GRM7: variants seen among roughly 807,000 people sequenced by gnomAD.
GRM7 encodes the protein glutamate metabotropic receptor 7.
GRM7 carries 35 observed loss-of-function variants against 84.5 expected under a neutral mutation model. That is an observed-to-expected ratio of 0.41 (90% CI 0.32 to 0.55). GRM7 has a LOEUF of 0.55. Ranked by LOEUF, GRM7 falls within the 20% of genes least tolerant of loss-of-function variation. The pLI, the probability that GRM7 is intolerant of heterozygous loss-of-function variation, is 0.19. For missense variants in GRM7, 1,003 were observed against 1,194.6 expected (o/e 0.84, Z 2.36); for synonymous variants, 487 against 455.1 (o/e 1.07, Z -0.89).
intron 4 of GRM7, among the ~76,000 whole-genome samples, chr3:7,393,952 TAC>T (rs1695104896): frequency 6.6e-6 from 1 of 152,176 alleles, no homozygotes; most frequent in African/African-American, 2.4e-5. Flanking sequence ...AATTAAGTGG[TAC>T]AGTTTTCGCA....
At chr3:7,644,133 T>TGTGC (rs1471480045) in intron 8 of GRM7, among the ~76,000 whole-genome samples, 4 of 148,842 alleles carry the variant, frequency 2.7e-5, no homozygotes, top group African/African-American at 9.9e-5. Flanking sequence ...TGTGTGTGTG[T>TGTGC]GTGTATATAT....
chr3:7,321,884 A>C (rs1287579781), intron 4 of GRM7, among the ~76,000 whole-genome samples: 1 of 152,102 alleles, frequency 6.6e-6, no homozygotes, highest in Non-Finnish European at 1.5e-5. Flanking sequence ...TATCGACATC[A>C]TTCATGCAGA....
intron 7 of GRM7, among the ~76,000 whole-genome samples, chr3:7,498,595 T>C (rs1163387574): frequency 6.6e-6 from 1 of 152,174 alleles, no homozygotes; most frequent in African/African-American, 2.4e-5. Flanking sequence ...TGGGACATGA[T>C]GAGGATTTAA....
chr3:7,622,864 G>A (rs979703029), intron 8 of GRM7, among the ~76,000 whole-genome samples: 7 of 152,118 alleles, frequency 4.6e-5, no homozygotes, highest in Non-Finnish European at 7.4e-5. Context: ...TGACCCTGAT[G>A]GTATGTCATG....
In GRM7 at chr3:6,926,808, T is replaced by C. The variant is rs1302823163; in HGVS notation, c.519+64901T>C. On this transcript the variant is annotated intron_variant, in intron 1 of 9. Transcript: ENST00000357716. ...ATTGATTTCATAAATCTCCTTTTGA[T>C]AGGCCTTAATGTTGGTTCCATATTT... 4.7e-4 allele frequency among the ~76,000 whole-genome samples: 71 copies of C among 152,236 alleles called. 2 individuals carry two copies. Among genetic ancestry groups the C allele is most frequent in the Admixed American group, 4.6e-3 (71 of 15,284 alleles).
At chr3:7,369,016 AC>A (rs1370936605) in intron 4 of GRM7, among the ~76,000 whole-genome samples, 2 of 151,944 alleles carry the variant, frequency 1.3e-5, no homozygotes, top group Non-Finnish European at 1.5e-5. Context: ...TGTTGCTGTC[AC>A]ACTGTTCTCC....
chr3:6,877,852 C>T (rs979579962), intron 1 of GRM7, among the ~76,000 whole-genome samples: 16 of 132,244 alleles, frequency 1.2e-4, no homozygotes, highest in Admixed American at 3.8e-4. Context: ...CACACACACA[C>T]ATATGACTTC....
At chr3:6,903,459 G>A (rs1046987496) in intron 1 of GRM7, among the ~76,000 whole-genome samples, 1 of 151,980 alleles carries the variant, frequency 6.6e-6, no homozygotes, top group Non-Finnish European at 1.5e-5. Flanking sequence ...ATACATCTCT[G>A]TTGCTGCATA....
chr3:7,664,425 C>G (rs751758918), intron 8 of GRM7, among the ~76,000 whole-genome samples: 6 of 152,200 alleles, frequency 3.9e-5, no homozygotes, highest in Non-Finnish European at 5.9e-5. Context: ...AGGGGTCAGA[C>G]TTTTCTCACT....
intron 4 of GRM7, among the ~76,000 whole-genome samples, chr3:7,330,552 C>T (rs567533993): frequency 1.2e-4 from 19 of 152,216 alleles, no homozygotes; most frequent in Admixed American, 2.0e-4. Flanking sequence ...ATCATTGAAT[C>T]ATGGAGTTGG....
chr3:7,299,424 G>T (rs1232397440), intron 3 of GRM7, among the ~76,000 whole-genome samples: 1 of 152,034 alleles, frequency 6.6e-6, no homozygotes, highest in Non-Finnish European at 1.5e-5. Flanking sequence ...TACCAACCTG[G>T]TCCGGAGTCC....
At chr3:7,441,272 A>G (rs80076754) in intron 5 of GRM7, among the ~76,000 whole-genome samples, 15,424 of 152,120 alleles carry the variant, frequency 0.1, 943 homozygotes, top group South Asian at 0.27. Flanking sequence ...TGTTTTGGTC[A>G]TGAATATGTC....
chr3:7,328,507 A>G (rs577902403), intron 4 of GRM7, among the ~76,000 whole-genome samples: 2 of 152,268 alleles, frequency 1.3e-5, no homozygotes, highest in East Asian at 1.9e-4. Context: ...CCCCTTCTCT[A>G]TACCTTACTG....
rs1697393858 is a variant in GRM7 at position 6,928,666 on chromosome 3, A to C, written c.519+66759A>C. ...GCAAACAACTTGATAGAATCAATAG[A>C]AGCTTAGTTAAGCAGGTGATAATCT... is the stretch of plus-strand genomic sequence containing the variant. On this transcript the variant is annotated intron_variant, in intron 1 of 9. Coordinates refer to ENST00000357716, the MANE Select transcript of GRM7 (RefSeq NM_000844.4). This position sits in a 1 kb window ranked among gnomAD's most constrained non-coding sequence, Gnocchi z 4.5. Among the ~76,000 whole-genome samples, 1 of 152,206 alleles carries C rather than the reference A, an allele frequency of 6.6e-6. No homozygotes were observed. The highest frequency in any genetic ancestry group is 2.4e-5 in the African/African-American group (1 of 41,460).
chr3:7,584,140 G>A (rs1020152970), intron 8 of GRM7, among the ~76,000 whole-genome samples: 2 of 152,188 alleles, frequency 1.3e-5, no homozygotes, highest in Admixed American at 6.5e-5. Context: ...GAGGGACAGT[G>A]TTTTCAACAC....
chr3:7,220,905 C>T (rs546845876), intron 2 of GRM7, among the ~76,000 whole-genome samples: 2 of 152,228 alleles, frequency 1.3e-5, no homozygotes, highest in African/African-American at 2.4e-5. Flanking sequence ...CCAGCCTGAG[C>T]AACATGGTGA....
At chr3:7,266,554 T>A (rs963951512) in intron 2 of GRM7, among the ~76,000 whole-genome samples, 2 of 152,202 alleles carry the variant, frequency 1.3e-5, no homozygotes, top group Non-Finnish European at 2.9e-5. Context: ...GCCTGAATAC[T>A]GTTATCACTC....
intron 1 of GRM7, among the ~76,000 whole-genome samples, chr3:7,055,565 G>A (rs1264247568): frequency 3.3e-5 from 5 of 150,482 alleles, no homozygotes; most frequent in Non-Finnish European, 5.9e-5. Flanking sequence ...CTGTCACCCA[G>A]GCTGGAGTGC....
At chr3:7,258,150 G>T (rs1402119391) in intron 2 of GRM7, among the ~76,000 whole-genome samples, 1 of 152,128 alleles carries the variant, frequency 6.6e-6, no homozygotes, top group Non-Finnish European at 1.5e-5. Flanking sequence ...TCACACTATA[G>T]TGTTTCTTGC....
Sources: allele counts gnomAD v4.1 joint callset (sites outside exome capture counted in the v4.1 genomes callset), GRCh38; gene constraint gnomAD v4.1.1; non-coding constraint Gnocchi (gnomAD v3.1); transcripts MANE v1.5; gene names NCBI Gene and HGNC (gene_info 2026-07-23, HGNC 2026-07-21).